The following ADAM2 variants were observed in gnomAD, a reference collection of about 807,000 sequenced individuals.
The protein encoded by ADAM2 is disintegrin and metalloproteinase domain-containing protein 2.
In ADAM2, 101 loss-of-function variants were observed where a neutral mutation model predicts 99.3. The observed-to-expected ratio is 1.02, with a 90% confidence interval of 0.87 to 1.20. The LOEUF is 1.20. Ranked by LOEUF, ADAM2 falls within the 50% of genes most tolerant of loss-of-function variation. The pLI is 0.00. For synonymous variants in ADAM2, 323 were observed against 287.6 expected (o/e 1.12, Z -1.25); for missense variants, 948 against 878.7 (o/e 1.08, Z -1.00).
At chr8:39,804,687 TTATGA>T (rs1804364287) in intron 7 of ADAM2, among the ~76,000 whole-genome samples, 1 of 152,014 alleles carries the variant, frequency 6.6e-6, no homozygotes, top group South Asian at 2.1e-4. Flanking sequence ...TTATAAAAAA[TTATGA>T]TATGAGTATT....
chr8:39,744,688 G>A lies in ADAM2; in HGVS notation c.*30+142C>T. 4 of 518,490 alleles carry A rather than the reference G, an allele frequency of 7.7e-6. No individual in the cohort carries two copies. The South Asian group carries it at 1.1e-4, about 15-fold the overall frequency. The allele number at this position is 518,490 out of a possible 1,614,324, so 32.1% of individuals were successfully genotyped here. On this transcript the variant is annotated intron_variant, in intron 20 of 20. Coordinates refer to ENST00000265708, the MANE Select transcript of ADAM2 (RefSeq NM_001464.5). ...TTGAGACCAATACCTAATGCATGTG[G>A]GGCTTAAAACCTAGATGACGGGTTG... is the stretch of plus-strand genomic sequence containing the variant.
Position 39,755,847 on chromosome 8 carries a change from C to T in ADAM2, c.1678G>A (p.Ala560Thr), listed in dbSNP as rs1802127946. Residue 560 changes from alanine (A) to threonine (T), a missense_variant, in exon 16 of 21, where the codon GCC becomes ACC. Physicochemically the swap from Ala to Thr is moderately conservative, Grantham distance 58. Coordinates refer to ENST00000265708, the MANE Select transcript of ADAM2 (RefSeq NM_001464.5). ...VGKFLLQIPR[A>T]TIIYANISGH... is the part of the protein sequence containing the mutation. Reference sequence around the variant, plus strand: ...CTTATGTTGGCATAAATAATAGTGGCTCTTGGAATTTGTAATAAAAATTTA... The same window carrying T: ...CTTATGTTGGCATAAATAATAGTGGTTCTTGGAATTTGTAATAAAAATTTA... 2.5e-6 allele frequency: 4 copies of T among 1,601,924 alleles called. No homozygotes were observed. Among genetic ancestry groups the T allele is most frequent in the Non-Finnish European group, 2.6e-6 (3 of 1,170,002 alleles).
chr8:39,772,240 T>C (rs899654059), intron 11 of ADAM2, among the ~76,000 whole-genome samples: 1 of 152,062 alleles, frequency 6.6e-6, no homozygotes, highest in East Asian at 1.9e-4. Flanking sequence ...ACTTTTTTTT[T>C]ATAATGGAGC....
intron 6 of ADAM2, among the ~76,000 whole-genome samples, chr8:39,817,298 G>C (rs1459694396): frequency 6.6e-6 from 1 of 152,118 alleles, no homozygotes; most frequent in Non-Finnish European, 1.5e-5. Context: ...GCTCATAGAA[G>C]TAGAGAGTGA....
chr8:39,821,730 A>G lies in ADAM2; in HGVS notation c.268-68T>C, dbSNP rs879131068. The G allele has an allele frequency of 9.1e-6, 10 of 1,101,050 alleles. No homozygotes were observed. In the South Asian group the frequency reaches 1.2e-4, roughly 13 times the overall value. 68.2% of individuals were successfully genotyped at this position (1,101,050 alleles called of 1,614,324 possible). ...TTACAGATACAATTTTCAAATATGT[A>G]AAACATATATGTGTTTTGTTTTTAT... On this transcript the variant is annotated intron_variant, in intron 4 of 20. Transcript: ENST00000265708.
chr8:39,776,737 C>G (rs1208788679), intron 11 of ADAM2, among the ~76,000 whole-genome samples: 1 of 152,090 alleles, frequency 6.6e-6, no homozygotes, highest in Non-Finnish European at 1.5e-5. Context: ...GTAGTGATCT[C>G]AAGCTTGCAT....
chr8:39,811,750 A>AG (rs1804705864), intron 6 of ADAM2, among the ~76,000 whole-genome samples: 1 of 152,218 alleles, frequency 6.6e-6, no homozygotes, highest in Non-Finnish European at 1.5e-5. Context: ...AAAACTCTCA[A>AG]TAAACTAGGT....
chr8:39,825,465 G>A (rs888367975), intron 3 of ADAM2, among the ~76,000 whole-genome samples: 1 of 151,854 alleles, frequency 6.6e-6, no homozygotes, highest in Admixed American at 6.6e-5. Context: ...TGCACCCCAA[G>A]CATTAGTATT....
At chr8:39,816,126 T>C (rs1804929684) in intron 6 of ADAM2, among the ~76,000 whole-genome samples, 4 of 152,002 alleles carry the variant, frequency 2.6e-5, no homozygotes, top group Non-Finnish European at 5.9e-5. Flanking sequence ...TGAAACCCCA[T>C]CTCAACTAAA....
In ADAM2 at chr8:39,749,391, T is replaced by C. The variant is rs758603197; in HGVS notation, c.1935A>G (p.Ser645=). The stretch of plus-strand genomic sequence containing the variant: ...CACCAGGCCATAGATCTGATTGAAC[T>C]GAGCAATCTGGAGGTAAATATGAAG... The part of the protein sequence containing the change: ...CSASYLPPDC[S]VQSDLWPGGS... Residue 645 remains serine (S), a synonymous_variant, in exon 18 of 21, where the codon TCA becomes TCG. Transcript: ENST00000265708. 3 of 1,613,546 alleles carry C rather than the reference T, an allele frequency of 1.9e-6. No homozygotes were observed. The highest frequency in any genetic ancestry group is 2.5e-6 in the Non-Finnish European group (3 of 1,179,578).
At chr8:39,832,447 A>G (rs1313844660) in intron 3 of ADAM2, among the ~76,000 whole-genome samples, 3 of 152,212 alleles carry the variant, frequency 2.0e-5, no homozygotes, top group African/African-American at 7.2e-5. Flanking sequence ...ACAACACTTT[A>G]TGCTGTCCCA....
intron 18 of ADAM2, 137 bp downstream of exon 18, chr8:39,749,175 A>G: frequency 1.4e-6 from 1 of 737,520 alleles, no homozygotes; most frequent in South Asian, 2.1e-5. Flanking sequence ...AGTGGAAGTA[A>G]CACATACACA....
intron 14 of ADAM2, 46 bp from the exon 15 acceptor site, chr8:39,761,327 TA>T: frequency 9.3e-7 from 1 of 1,080,222 alleles, no homozygotes. Flanking sequence ...TTATATTAAT[TA>T]AAAATAAATA....
intron 14 of ADAM2, 146 bp downstream of exon 14, chr8:39,766,702 C>G (rs969813990): frequency 1.5e-6 from 1 of 678,786 alleles, no homozygotes; most frequent in African/African-American, 1.8e-5. Context: ...GCCACCGCGC[C>G]TGGCCGTATT....
At chr8:39,801,774 A>AC (rs1341987810) in intron 7 of ADAM2, among the ~76,000 whole-genome samples, 1 of 151,986 alleles carries the variant, frequency 6.6e-6, no homozygotes, top group Non-Finnish European at 1.5e-5. Context: ...TCAGGATTAG[A>AC]CCTAGAGAGG....
In ADAM2 at chr8:39,766,975, T is replaced by C; in HGVS notation, c.1380A>G (p.Gly460=). ...EECDLPEYCN[G]SSASCPENHY... ...GGTTTTCTGGGCATGATGCAGATGA[T>C]CCATTGCAATATTCAGGGAGGTCGC... Residue 460 remains glycine, a synonymous_variant, in exon 14 of 21, where the codon GGA becomes GGG. Transcript: ENST00000265708. 6.2e-7 allele frequency: 1 copy of C among 1,614,208 alleles called. No homozygotes were observed. The highest frequency in any genetic ancestry group is 8.5e-7 in the Non-Finnish European group (1 of 1,180,036).
intron 15 of ADAM2, among the ~76,000 whole-genome samples, chr8:39,758,324 AC>A (rs1266908932): frequency 6.6e-5 from 10 of 152,158 alleles, no homozygotes; most frequent in African/African-American, 2.4e-4. Flanking sequence ...ACATATAGTT[AC>A]AAAACTGTAT....
At position 39,777,771 on chromosome 8, in the gene ADAM2, G is replaced by T. The variant is rs192610192; in HGVS notation, c.892-610C>A. Among the ~76,000 whole-genome samples, 147 of 151,778 alleles carry T rather than the reference G, an allele frequency of 9.7e-4. 1 individual carries two copies. The highest frequency in any genetic ancestry group is 3.4e-3 in the African/African-American group (143 of 41,472). On this transcript the variant is annotated intron_variant, in intron 10 of 20. Coordinates refer to ENST00000265708, the MANE Select transcript of ADAM2 (RefSeq NM_001464.5). ...TTTAATCATTACACATTGTATGCCT[G>T]TACCAAAACATCACATCTCCCCATA... is the stretch of plus-strand genomic sequence containing the variant.
intron 7 of ADAM2, among the ~76,000 whole-genome samples, chr8:39,795,995 C>A (rs1489203444): frequency 6.6e-6 from 1 of 151,906 alleles, no homozygotes; most frequent in East Asian, 1.9e-4. Flanking sequence ...AATGGGGAAG[C>A]TGTAGAGAGA....
Sources: allele counts gnomAD v4.1 joint callset (sites outside exome capture counted in the v4.1 genomes callset), GRCh38; gene constraint gnomAD v4.1.1; transcripts MANE v1.5; gene names NCBI Gene and HGNC (gene_info 2026-07-23, HGNC 2026-07-21).